ENPP1: variants seen among roughly 807,000 people sequenced by gnomAD.
ENPP1 encodes ectonucleotide pyrophosphatase/phosphodiesterase family member 1.
A neutral mutation model predicts 122.8 loss-of-function variants in ENPP1; 73 were observed. That is an observed-to-expected ratio of 0.59 (90% CI 0.49 to 0.72). The LOEUF (loss-of-function observed/expected upper bound fraction) is 0.72. Among genes scored for constraint, ENPP1 ranks in the 30% least tolerant of loss-of-function variants. The pLI, the probability that ENPP1 is intolerant of heterozygous loss-of-function variation, is 0.00. For missense variants in ENPP1, 978 were observed against 1,128.1 expected (o/e 0.87, Z 1.91); for synonymous variants, 367 against 391.6 (o/e 0.94, Z 0.74).
chr6:131,886,544 TA>T lies in ENPP1; in HGVS notation c.2445-17del, dbSNP rs1782379520. 6.3e-7 allele frequency: 1 copy of T among 1,584,808 alleles called. No homozygotes were observed. Among genetic ancestry groups the T allele is most frequent in the African/African-American group, 1.3e-5 (1 of 74,312 alleles). ...ATAGTTATTTCTTTCTTAAAATGAA[TA>T]TTGGCATGTTTTACAGAAAAAGAAG... On this transcript the variant is annotated splice_polypyrimidine_tract_variant and intron_variant, in intron 23 of 24. Coordinates refer to ENST00000647893, the MANE Select transcript of ENPP1 (RefSeq NM_006208.3).
intron 1 of ENPP1, among the ~76,000 whole-genome samples, chr6:131,845,996 TTTC>T (rs1781805847): frequency 6.6e-6 from 1 of 152,304 alleles, no homozygotes; most frequent in South Asian, 2.1e-4. Flanking sequence ...AAACTCTTCC[TTTC>T]TTTTATCCAT....
At chr6:131,859,777 A>G (rs890257478) in intron 7 of ENPP1, among the ~76,000 whole-genome samples, 13 of 152,132 alleles carry the variant, frequency 8.5e-5, no homozygotes, top group Admixed American at 4.6e-4. Flanking sequence ...GCTAATTGTC[A>G]GTTGGCCTTT....
rs1356409737 is a variant in ENPP1, at chr6:131,808,043, G to A, written c.8G>A (p.Arg3His). The stretch of plus-strand genomic sequence containing the variant: ...GGAGCGGCCGGGGCCACGATGGAGC[G>A]CGACGGCTGCGCGGGGGGCGGGAGC... MERDGCAGGGSRG... is the reference protein window; with the variant it reads MEHDGCAGGGSRG... The change falls in exon 1 of 25, where the codon CGC becomes CAC. Residue 3 changes from arginine to histidine, a missense_variant. Arg to His is a conservative substitution (Grantham distance 29). Coordinates refer to ENST00000647893, the MANE Select transcript of ENPP1 (RefSeq NM_006208.3). 1.0e-6 allele frequency: 1 copy of A among 978,462 alleles called. No individual in the cohort carries two copies. Among genetic ancestry groups the A allele is most frequent in the African/African-American group, 1.8e-5 (1 of 54,964 alleles). 60.6% of individuals were successfully genotyped at this position (978,462 alleles called of 1,614,324 possible).
chr6:131,856,529 A>G (rs1473047342), intron 6 of ENPP1, among the ~76,000 whole-genome samples: 2 of 145,298 alleles, frequency 1.4e-5, no homozygotes, highest in African/African-American at 2.8e-5. Context: ...TTTTGTTGCC[A>G]TTGCTTTTGG....
intron 1 of ENPP1, among the ~76,000 whole-genome samples, chr6:131,835,134 T>A: frequency 6.6e-6 from 1 of 152,232 alleles, no homozygotes; most frequent in East Asian, 1.9e-4. Context: ...ATGGTCACGA[T>A]TTCACCAAAC....
chr6:131,834,839 G>A (rs751976846), intron 1 of ENPP1, among the ~76,000 whole-genome samples: 4 of 152,162 alleles, frequency 2.6e-5, no homozygotes, highest in East Asian at 1.9e-4. Flanking sequence ...GATTACAGGC[G>A]TGAGCCACCG....
intron 24 of ENPP1, 66 bp downstream of exon 24, chr6:131,886,790 C>T (rs1296669159): frequency 7.1e-7 from 1 of 1,399,354 alleles, no homozygotes; most frequent in African/African-American, 1.5e-5. Context: ...TTGTTTATGT[C>T]ACCCATCTGA....
intron 1 of ENPP1, among the ~76,000 whole-genome samples, chr6:131,842,713 C>T (rs1214563766): frequency 6.6e-6 from 1 of 152,066 alleles, no homozygotes; most frequent in Non-Finnish European, 1.5e-5. Flanking sequence ...TAATGCTTCC[C>T]CCGGCCAACT....
chr6:131,866,026 T>TTGAGCATA (rs1482111501), intron 11 of ENPP1, among the ~76,000 whole-genome samples: 1 of 151,440 alleles, frequency 6.6e-6, no homozygotes, highest in African/African-American at 2.4e-5. Flanking sequence ...AGAAAATGAT[T>TTGAGCATA]TGAGCATATT....
intron 11 of ENPP1, among the ~76,000 whole-genome samples, chr6:131,866,695 A>T (rs972226884): frequency 3.3e-5 from 5 of 152,102 alleles, no homozygotes; most frequent in Non-Finnish European, 7.4e-5. Flanking sequence ...GTAGTTAGTA[A>T]CTCCATTGTG....
In ENPP1 at chr6:131,808,195, G is replaced by A; in HGVS notation, c.160G>A (p.Asp54Asn). ...GGCCGCGTCCTTGCTGGCCCCTATG[G>A]ACGTGGGGGAGGAGCCGCTGGAGAA... ...QAAASLLAPM[D>N]VGEEPLEKAA... Residue 54 changes from aspartate to asparagine, a missense_variant, in exon 1 of 25, where the codon GAC becomes AAC. Asp to Asn is a conservative substitution (Grantham distance 23, BLOSUM62 1). Around this residue, in one of 3 missense-constraint regions of ENPP1, gnomAD observed 330 missense variants for 328.5 expected, o/e 1.00. Coordinates refer to ENST00000647893, the MANE Select transcript of ENPP1 (RefSeq NM_006208.3). 1 of 1,505,994 alleles carries A rather than the reference G, an allele frequency of 6.6e-7. No individual in the cohort carries two copies. Among genetic ancestry groups the A allele is most frequent in the South Asian group, 1.3e-5 (1 of 79,082 alleles). The allele number at this position is 1,505,994 out of a possible 1,614,324, so 93.3% of individuals were successfully genotyped here. A position where few individuals can be genotyped will look rare whatever the true frequency, so the allele number is the denominator to read the frequency against.
chr6:131,808,270 T>A lies in ENPP1; in HGVS notation c.235T>A (p.Ser79Thr). ...GGACCCCAACACCTATAAAGTACTC[T>A]CGCTGGTAGGTCCGCGGCCAGGCCC... is the stretch of plus-strand genomic sequence containing the variant. Reference protein sequence around the residue: ...AKDPNTYKVLSLVLSVCVLTT... With the variant: ...AKDPNTYKVLTLVLSVCVLTT... The change falls in exon 1 of 25, where the codon TCG becomes ACG. Residue 79 changes from serine to threonine, a missense_variant. By Grantham distance (58) the Ser-to-Thr change is moderately conservative. Coordinates refer to ENST00000647893, the MANE Select transcript of ENPP1 (RefSeq NM_006208.3). 6.7e-7 allele frequency: 1 copy of A among 1,503,284 alleles called. No individual in the cohort carries two copies. The highest frequency in any genetic ancestry group is 8.9e-7 in the Non-Finnish European group (1 of 1,123,974). 93.1% of individuals were successfully genotyped at this position (1,503,284 alleles called of 1,614,324 possible). A position where few individuals can be genotyped will look rare whatever the true frequency, so the allele number is the denominator to read the frequency against.
intron 1 of ENPP1, chr6:131,827,628 T>C (rs2114666761): frequency 1.7e-6 from 1 of 600,246 alleles, no homozygotes; most frequent in Non-Finnish European, 3.1e-6. Context: ...TGACTTTGAC[T>C]ATTATCTGCT....
intron 7 of ENPP1, among the ~76,000 whole-genome samples, 158 bp from the exon 8 acceptor site, chr6:131,860,229 C>T (rs974130701): frequency 1.6e-4 from 25 of 152,138 alleles, no homozygotes; most frequent in Admixed American, 1.4e-3. Flanking sequence ...TAAGAGGTTG[C>T]GTTTTGCCAT....
Position 131,884,924 on chromosome 6 carries a change from G to A in ENPP1, c.2312-7G>A, listed in dbSNP as rs775959537. ...TTGAAACTACACTGGCTTCTATCTT[G>A]TTTCAGTTATATGGCGCTACTTTCA... On this transcript the variant is annotated splice_region_variant and splice_polypyrimidine_tract_variant and intron_variant, in intron 22 of 24. Coordinates refer to ENST00000647893, the MANE Select transcript of ENPP1 (RefSeq NM_006208.3). The A allele has an allele frequency of 6.2e-7, 1 of 1,614,048 alleles. No homozygotes were observed.
At chr6:131,824,938 T>C (rs1468185835) in intron 1 of ENPP1, among the ~76,000 whole-genome samples, 2 of 151,980 alleles carry the variant, frequency 1.3e-5, no homozygotes, top group Non-Finnish European at 2.9e-5. Flanking sequence ...CACACACCTG[T>C]AATCCCAGCT....
intron 2 of ENPP1, among the ~76,000 whole-genome samples, chr6:131,848,093 C>T (rs1781836297): frequency 6.6e-6 from 1 of 152,080 alleles, no homozygotes; most frequent in South Asian, 2.1e-4. Flanking sequence ...GCCCATGCTC[C>T]CTGACTTCCT....
chr6:131,877,868 TATATA>T (rs1368079463), intron 18 of ENPP1: 2 of 29,708 alleles, frequency 6.7e-5, no homozygotes, highest in African/African-American at 1.6e-4. Context: ...AAAAAAAAAA[TATATA>T]TATATATATA....
Position 131,873,015 on chromosome 6 carries a change from G to A in ENPP1, c.1530G>A (p.Leu510=), listed in dbSNP as rs1238363961. 2 of 1,613,716 alleles carry A rather than the reference G, an allele frequency of 1.2e-6. No homozygotes were observed. The highest frequency in any genetic ancestry group is 2.2e-5 in the East Asian group (1 of 44,854). ...HFAKSDRIEP[L]TFYLDPQWQL... is the part of the protein sequence containing the mutation. ...CTAAGAGTGATAGAATTGAGCCCTT[G>A]ACATTCTATTTGGACCCTCAGTGGC... is the stretch of plus-strand genomic sequence containing the variant. Residue 510 remains leucine, a synonymous_variant, in exon 15 of 25, where the codon TTG becomes TTA. Transcript: ENST00000647893.
Sources: allele counts gnomAD v4.1 joint callset (sites outside exome capture counted in the v4.1 genomes callset), GRCh38; gene constraint gnomAD v4.1.1; regional missense constraint gnomAD v4.1.1; transcripts MANE v1.5; gene names NCBI Gene and HGNC (gene_info 2026-07-23, HGNC 2026-07-21).